GRIN3A: variants seen among roughly 807,000 people sequenced by gnomAD.
GRIN3A encodes glutamate ionotropic receptor NMDA type subunit 3A.
A neutral mutation model predicts 92.4 loss-of-function variants in GRIN3A; 47 were observed. That is an observed-to-expected ratio of 0.51 (90% confidence interval 0.40 to 0.65). The LOEUF is 0.65. Ranked by LOEUF, GRIN3A falls within the 30% of genes least tolerant of loss-of-function variation. GRIN3A has a pLI of 0.00. For synonymous variants in GRIN3A, 527 were observed against 540.6 expected (o/e 0.97, Z 0.35); for missense variants, 1,324 against 1,393.1 (o/e 0.95, Z 0.79).
intron 3 of GRIN3A, among the ~76,000 whole-genome samples, chr9:101,661,941 T>G (rs1829176867): frequency 6.6e-6 from 1 of 151,936 alleles, no homozygotes; most frequent in Non-Finnish European, 1.5e-5. Context: ...TAGCATTTCT[T>G]TAATTACAGG....
At chr9:101,620,538 T>C (rs141529994) in intron 5 of GRIN3A, among the ~76,000 whole-genome samples, 39 of 152,292 alleles carry the variant, frequency 2.6e-4, no homozygotes, top group African/African-American at 9.1e-4. Flanking sequence ...TTGCACTCTG[T>C]TTTCTCTCCT....
Position 101,577,761 on chromosome 9 carries a change from T to A in GRIN3A, c.3008+7A>T. 6.2e-7 allele frequency: 1 copy of A among 1,604,452 alleles called. No individual in the cohort carries two copies. The highest frequency in any genetic ancestry group is 8.5e-7 in the Non-Finnish European group (1 of 1,171,742). ...TATAAAGACAGTTGCCATTGGCCCC[T>A]TCTTACCTCTTTTCCACACGTTTGG... is the stretch of plus-strand genomic sequence containing the variant. On this transcript the variant is annotated splice_region_variant and intron_variant, in intron 8 of 8. Transcript: ENST00000361820.
At chr9:101,697,667 C>T (rs1436971892) in intron 1 of GRIN3A, among the ~76,000 whole-genome samples, 1 of 152,116 alleles carries the variant, frequency 6.6e-6, no homozygotes, top group East Asian at 1.9e-4. Context: ...TTTCAACAGT[C>T]CACCAGAAAC....
At chr9:101,603,974 C>T (rs886478649) in intron 6 of GRIN3A, among the ~76,000 whole-genome samples, 8 of 152,224 alleles carry the variant, frequency 5.3e-5, no homozygotes, top group African/African-American at 1.9e-4. Flanking sequence ...TACCTTATGT[C>T]TTCATTTATT....
intron 1 of GRIN3A, among the ~76,000 whole-genome samples, chr9:101,691,951 G>C (rs779497087): frequency 8.5e-5 from 13 of 152,134 alleles, no homozygotes; most frequent in Non-Finnish European, 1.6e-4. Context: ...CTAACTTATG[G>C]ATTCATTTTG....
intron 1 of GRIN3A, among the ~76,000 whole-genome samples, chr9:101,733,595 T>C (rs1396351178): frequency 6.6e-6 from 1 of 152,196 alleles, no homozygotes; most frequent in Non-Finnish European, 1.5e-5. Flanking sequence ...TGAGAGCAGA[T>C]GTTTTAAAAA....
In GRIN3A at chr9:101,571,519, T is replaced by C. The variant is rs1248937027; in HGVS notation, c.*1655A>G. ...AATTGGTTGGGGGTGGAACAATGAG[T>C]CCTGAGAAGATAAATCAAGTAATTG... On this transcript the variant is annotated 3_prime_UTR_variant, in exon 9 of 9. Coordinates refer to ENST00000361820, the MANE Select transcript of GRIN3A (RefSeq NM_133445.3). 1 of 152,056 alleles carries C rather than the reference T, an allele frequency of 6.6e-6. No individual in the cohort carries two copies. The highest frequency in any genetic ancestry group is 1.9e-4 in the East Asian group (1 of 5,178). 9.4% of individuals were successfully genotyped at this position (152,056 alleles called of 1,614,324 possible).
chr9:101,618,682 A>C (rs181029202), intron 5 of GRIN3A, among the ~76,000 whole-genome samples: 3 of 152,190 alleles, frequency 2.0e-5, no homozygotes, highest in Admixed American at 2.0e-4. Flanking sequence ...AGGAAAATAA[A>C]TTATGTGATG....
At position 101,676,275 on chromosome 9, in the gene GRIN3A, CT is replaced by C. The variant is rs552102260; in HGVS notation, c.1305-5169del. ...TTTGTCTCTTTGTATATCTACCTCT[CT>C]TTTTTTTCTTTTAAATTGCCCTATT... On this transcript the variant is annotated intron_variant, in intron 2 of 8. Coordinates refer to ENST00000361820, the MANE Select transcript of GRIN3A (RefSeq NM_133445.3). Among the ~76,000 whole-genome samples the C allele has an allele frequency of 4.3e-3, 647 of 151,816 alleles. 7 individuals are homozygous for C. The highest frequency in any genetic ancestry group is 0.013 in the African/African-American group (523 of 41,482).
chr9:101,694,743 G>A (rs1373583152), intron 1 of GRIN3A, among the ~76,000 whole-genome samples: 5 of 152,150 alleles, frequency 3.3e-5, no homozygotes, highest in African/African-American at 9.7e-5. Context: ...AAAGGGCATG[G>A]CTACAGAAGA....
chr9:101,581,464 A>G (rs1462211999), intron 6 of GRIN3A, among the ~76,000 whole-genome samples: 4 of 152,152 alleles, frequency 2.6e-5, no homozygotes, highest in African/African-American at 9.7e-5. Context: ...TTATGAAGGG[A>G]TGAGTGCCCT....
At position 101,737,657 on chromosome 9, in the gene GRIN3A, G is replaced by A. The variant is rs758017649; in HGVS notation, c.323C>T (p.Pro108Leu). ...LGSTLHGRGP[P>L]GSRKPGEGAR... Reference sequence around the variant, plus strand: ...GCCCTCCCCGGGCTTACGGGAGCCCGGCGGCCCCCGGCCATGCAGGGTGCT... The same window carrying A: ...GCCCTCCCCGGGCTTACGGGAGCCCAGCGGCCCCCGGCCATGCAGGGTGCT... Residue 108 changes from proline to leucine, a missense_variant, in exon 1 of 9, where the codon CCG (proline) becomes CTG (leucine). Coordinates refer to ENST00000361820, the MANE Select transcript of GRIN3A (RefSeq NM_133445.3). 6.2e-7 allele frequency: 1 copy of A among 1,600,034 alleles called. No individual in the cohort carries two copies. The highest frequency in any genetic ancestry group is 8.5e-7 in the Non-Finnish European group (1 of 1,175,498).
chr9:101,641,979 G>A (rs7856074), intron 3 of GRIN3A, among the ~76,000 whole-genome samples: 53,824 of 151,812 alleles, frequency 0.35, 10,054 homozygotes, highest in African/African-American at 0.48. Flanking sequence ...TAACTAAAAA[G>A]TTGATGATTT....
chr9:101,658,530 G>A (rs59582661), intron 3 of GRIN3A, among the ~76,000 whole-genome samples: 1,963 of 151,884 alleles, frequency 0.013, 41 homozygotes, highest in African/African-American at 0.045. Flanking sequence ...AAAAAACCTA[G>A]TTGAAATATA....
At chr9:101,712,687 C>T (rs1829894150) in intron 1 of GRIN3A, among the ~76,000 whole-genome samples, 1 of 152,162 alleles carries the variant, frequency 6.6e-6, no homozygotes, top group South Asian at 2.1e-4. Flanking sequence ...CTAAAAACAT[C>T]TACTAATAAT....
chr9:101,633,437 G>T (rs1198118866), intron 3 of GRIN3A, among the ~76,000 whole-genome samples: 1 of 152,154 alleles, frequency 6.6e-6, no homozygotes, highest in African/African-American at 2.4e-5. Context: ...GGATGGAAGG[G>T]GCTTTGCAAG....
intron 5 of GRIN3A, among the ~76,000 whole-genome samples, chr9:101,620,059 T>C (rs1828529308): frequency 6.6e-6 from 1 of 152,200 alleles, no homozygotes; most frequent in Non-Finnish European, 1.5e-5. Flanking sequence ...CCCTTTTAAG[T>C]CAAAATAAAT....
intron 1 of GRIN3A, among the ~76,000 whole-genome samples, chr9:101,717,510 A>C (rs1194475655): frequency 6.6e-6 from 1 of 152,214 alleles, no homozygotes; most frequent in Non-Finnish European, 1.5e-5. Flanking sequence ...ATGACGGATG[A>C]GCAGTGAGTA....
chr9:101,689,743 TACACACAC>T (rs33984810), intron 1 of GRIN3A, among the ~76,000 whole-genome samples: 56 of 143,720 alleles, frequency 3.9e-4, no homozygotes, highest in Non-Finnish European at 5.7e-4. Flanking sequence ...CACACACACA[TACACACAC>T]ACACACACAC....
Sources: gnomAD v4.1 joint callset for allele counts (sites outside exome capture counted in the v4.1 genomes callset) on GRCh38, gnomAD v4.1.1 for gene constraint, MANE v1.5 for transcripts, NCBI Gene and HGNC (gene_info 2026-07-23, HGNC 2026-07-21) for gene names.